Variants in LPP observed in about 807,000 individuals in gnomAD.
LPP encodes lipoma-preferred partner.
In LPP, 38 loss-of-function variants were observed where a neutral mutation model predicts 60.4. The observed-to-expected ratio is 0.63, with a 90% confidence interval of 0.49 to 0.83. LPP has a LOEUF of 0.83. Ranked by LOEUF, LPP falls within the 40% of genes least tolerant of loss-of-function variation. LPP has a pLI of 0.00. For missense variants in LPP, 902 were observed against 783.6 expected (o/e 1.15, Z -1.80); for synonymous variants, 328 against 290.8 (o/e 1.13, Z -1.30).
At chr3:188,165,466 G>T (rs909378747) in intron 1 of LPP, among the ~76,000 whole-genome samples, 5 of 152,166 alleles carry the variant, frequency 3.3e-5, no homozygotes, top group Admixed American at 2.6e-4. Flanking sequence ...AGTGCATGGT[G>T]CCTTGAAAAA....
intron 3 of LPP, among the ~76,000 whole-genome samples, chr3:188,368,804 T>C (rs981344103): frequency 1.3e-5 from 2 of 151,818 alleles, no homozygotes; most frequent in African/African-American, 4.8e-5. Context: ...AGACCCTCTA[T>C]AGGACCTCGA....
intron 6 of LPP, among the ~76,000 whole-genome samples, chr3:188,602,726 ATT>A (rs1841628682): frequency 7.3e-5 from 6 of 81,680 alleles, no homozygotes; most frequent in Non-Finnish European, 4.8e-5. Flanking sequence ...AAGATTATTT[ATT>A]AAAAAAAAAA....
At chr3:188,635,988 T>C (rs527679438) in intron 7 of LPP, among the ~76,000 whole-genome samples, 5 of 152,294 alleles carry the variant, frequency 3.3e-5, no homozygotes, top group Admixed American at 6.5e-5. Flanking sequence ...GAAAAGGAAA[T>C]TGAAGGATGG....
chr3:188,240,310 T>C (rs1723699833), intron 2 of LPP: 1 of 167,598 alleles, frequency 6.0e-6, no homozygotes, highest in Non-Finnish European at 1.3e-5. Flanking sequence ...ACAAGGTTGT[T>C]GACTGCATAA....
chr3:188,817,977 C>T (rs765629666), intron 9 of LPP, among the ~76,000 whole-genome samples: 3 of 152,272 alleles, frequency 2.0e-5, no homozygotes, highest in Non-Finnish European at 2.9e-5. Flanking sequence ...TATTCTAAGG[C>T]GTATCAAATA....
At chr3:188,155,149 T>A (rs1457725435) in intron 1 of LPP, among the ~76,000 whole-genome samples, 6 of 152,158 alleles carry the variant, frequency 3.9e-5, no homozygotes, top group Admixed American at 2.0e-4. Context: ...AGTGGAATTG[T>A]GCCTGGGTGC....
intron 2 of LPP, among the ~76,000 whole-genome samples, chr3:188,298,827 GAGT>G (rs1748783851): frequency 6.6e-6 from 1 of 152,110 alleles, no homozygotes; most frequent in African/African-American, 2.4e-5. Flanking sequence ...TTCCCATCAT[GAGT>G]ATTTATTCTG....
intron 8 of LPP, among the ~76,000 whole-genome samples, chr3:188,754,012 T>C (rs1729244931): frequency 6.6e-6 from 1 of 152,230 alleles, no homozygotes; most frequent in Admixed American, 6.5e-5. Flanking sequence ...GGAGATTGCA[T>C]ATTGCTACAT....
chr3:188,268,650 G>A (rs1429187132), intron 2 of LPP, among the ~76,000 whole-genome samples: 2 of 152,160 alleles, frequency 1.3e-5, no homozygotes, highest in East Asian at 1.9e-4. Context: ...TAGGCTAAAC[G>A]TAATTTAACA....
chr3:188,791,363 A>G (rs369423166), intron 9 of LPP, among the ~76,000 whole-genome samples: 1 of 152,268 alleles, frequency 6.6e-6, no homozygotes, highest in South Asian at 2.1e-4. Context: ...AAACTCTTCA[A>G]TGAGTCCCTC....
intron 1 of LPP, among the ~76,000 whole-genome samples, chr3:188,154,750 C>A (rs1192392196): frequency 6.6e-6 from 1 of 152,226 alleles, no homozygotes; most frequent in Non-Finnish European, 1.5e-5. Context: ...ATTTCTCTAG[C>A]ACCCTGTGTG....
At position 188,687,775 on chromosome 3, in the gene LPP, C is replaced by CTCTTTTTTTT. The variant is rs1360104383; in HGVS notation, c.1114-20491_1114-20490insCTTTTTTTTT. ...CCTGTCTAACCAGCTGTCTTATACT[C>CTCTTTTTTTT]TTTTTTTTTTTTTTTTTGAGATGAA... is the stretch of plus-strand genomic sequence containing the variant. On this transcript the variant is annotated intron_variant, in intron 7 of 11. Coordinates refer to ENST00000617246, the MANE Select transcript of LPP (RefSeq NM_001375462.1). Among the ~76,000 whole-genome samples, 8 of 127,146 alleles carry CTCTTTTTTTT rather than the reference C, an allele frequency of 6.3e-5. 1 individual carries two copies. Among genetic ancestry groups the CTCTTTTTTTT allele is most frequent in the East Asian group, 2.1e-4 (1 of 4,848 alleles). 83.4% of individuals were successfully genotyped at this position (127,146 alleles called of 152,430 possible).
At chr3:188,210,869 C>A (rs768911010) in intron 1 of LPP, among the ~76,000 whole-genome samples, 10 of 152,072 alleles carry the variant, frequency 6.6e-5, no homozygotes, top group African/African-American at 9.7e-5. Context: ...CTCTCCAGAC[C>A]TAATTTTGAC....
intron 5 of LPP, among the ~76,000 whole-genome samples, chr3:188,500,963 G>T (rs1293953170): frequency 6.6e-6 from 1 of 151,664 alleles, no homozygotes; most frequent in Non-Finnish European, 1.5e-5. Context: ...TCTAGCTAAA[G>T]GTTTGTCAAT....
At chr3:188,678,875 G>A (rs1350427276) in intron 7 of LPP, among the ~76,000 whole-genome samples, 6 of 152,212 alleles carry the variant, frequency 3.9e-5, no homozygotes, top group Non-Finnish European at 8.8e-5. Context: ...TTATAAGTCT[G>A]CAGATGTAGG....
intron 1 of LPP, among the ~76,000 whole-genome samples, chr3:188,225,115 C>T (rs1277962821): frequency 1.3e-5 from 2 of 152,012 alleles, no homozygotes; most frequent in African/African-American, 2.4e-5. Context: ...TTTTTTTCTT[C>T]CCTACAATTT....
chr3:188,636,439 A>T (rs181840162), intron 7 of LPP, among the ~76,000 whole-genome samples: 1 of 152,190 alleles, frequency 6.6e-6, no homozygotes, highest in Admixed American at 6.5e-5. Flanking sequence ...CTAGCACAGC[A>T]GTCTGAGATC....
chr3:188,527,574 A>G (rs1321521616), intron 6 of LPP, among the ~76,000 whole-genome samples: 2 of 152,052 alleles, frequency 1.3e-5, no homozygotes, highest in Non-Finnish European at 2.9e-5. Flanking sequence ...GGTCAGAAAA[A>G]TGTTCTCCAG....
chr3:188,207,217 TTTTTTTTTTCTTTTC>T (rs1733501438), intron 1 of LPP, among the ~76,000 whole-genome samples: 2 of 151,502 alleles, frequency 1.3e-5, no homozygotes, highest in African/African-American at 2.4e-5. Context: ...ATTTTCTTTT[TTTTTTTTTTCTTTTC>T]TTTTTTTTTT....
Sources: gnomAD v4.1 joint callset for allele counts (sites outside exome capture counted in the v4.1 genomes callset) on GRCh38, gnomAD v4.1.1 for gene constraint, MANE v1.5 for transcripts, NCBI Gene and HGNC (gene_info 2026-07-23, HGNC 2026-07-21) for gene names.